The following OSBPL8 variants were observed in gnomAD, a reference collection of about 807,000 sequenced individuals.
OSBPL8 encodes the protein oxysterol-binding protein-related protein 8.
In OSBPL8, 59 loss-of-function variants were observed where a neutral mutation model predicts 125.5. The ratio of observed to expected loss-of-function variants is 0.47; its 90% CI spans 0.38 to 0.58. OSBPL8 has a LOEUF of 0.58. Among genes scored for constraint, OSBPL8 ranks in the 20% least tolerant of loss-of-function variants. The pLI is 0.00. For missense variants in OSBPL8, 758 were observed against 1,047.8 expected (o/e 0.72, Z 3.82); for synonymous variants, 330 against 338.9 (o/e 0.97, Z 0.29).
chr12:76,464,748 C>T (rs1333701557), intron 2 of OSBPL8, among the ~76,000 whole-genome samples: 1 of 152,154 alleles, frequency 6.6e-6, no homozygotes, highest in African/African-American at 2.4e-5. Context: ...TAATATACAT[C>T]ACGGCTTGAT....
intron 1 of OSBPL8, among the ~76,000 whole-genome samples, chr12:76,540,519 TG>T: frequency 6.6e-6 from 1 of 151,142 alleles, no homozygotes; most frequent in African/African-American, 2.4e-5. Context: ...TGTGTGTGTG[TG>T]TGTGTGTACA....
chr12:76,542,551 G>A (rs1950676463), intron 1 of OSBPL8, among the ~76,000 whole-genome samples: 1 of 152,176 alleles, frequency 6.6e-6, no homozygotes, highest in East Asian at 1.9e-4. Flanking sequence ...GTCTGGGGTG[G>A]AGTCCAATAA....
chr12:76,385,275 A>T (rs930622093), intron 14 of OSBPL8, among the ~76,000 whole-genome samples: 1 of 152,194 alleles, frequency 6.6e-6, no homozygotes, highest in African/African-American at 2.4e-5. Flanking sequence ...TTACACTCAA[A>T]GTGAGAATTA....
chr12:76,451,892 G>A (rs1000388976), intron 3 of OSBPL8, among the ~76,000 whole-genome samples: 1 of 152,156 alleles, frequency 6.6e-6, no homozygotes, highest in African/African-American at 2.4e-5. Flanking sequence ...GTCGAGGTAG[G>A]TGGATCACCT....
intron 2 of OSBPL8, among the ~76,000 whole-genome samples, chr12:76,475,939 T>G (rs1876751963): frequency 6.6e-6 from 1 of 152,246 alleles, no homozygotes; most frequent in African/African-American, 2.4e-5. Flanking sequence ...CATGCAGTAC[T>G]GTTGCAGTAC....
intron 3 of OSBPL8, among the ~76,000 whole-genome samples, chr12:76,458,836 C>T (rs1303190391): frequency 6.6e-6 from 1 of 152,152 alleles, no homozygotes; most frequent in African/African-American, 2.4e-5. Flanking sequence ...AAACCTTTAC[C>T]ATTTTCTCAT....
intron 5 of OSBPL8, among the ~76,000 whole-genome samples, chr12:76,407,546 C>A (rs1954321290): frequency 1.3e-5 from 2 of 152,112 alleles, no homozygotes; most frequent in Non-Finnish European, 2.9e-5. Flanking sequence ...TTGCACCCAG[C>A]AGAATGTTAA....
chr12:76,505,385 T>C (rs2137143368), intron 1 of OSBPL8, among the ~76,000 whole-genome samples: 1 of 152,318 alleles, frequency 6.6e-6, no homozygotes, highest in Admixed American at 6.5e-5. Context: ...GTTTTACCAA[T>C]AAATTTATCA....
chr12:76,421,189 C>T (rs1869434852), intron 4 of OSBPL8, among the ~76,000 whole-genome samples: 1 of 151,704 alleles, frequency 6.6e-6, no homozygotes, highest in Admixed American at 6.6e-5. Flanking sequence ...AACAAAGAGA[C>T]AGAAACAAAT....
chr12:76,446,333 A>G (rs1351493255), intron 4 of OSBPL8, among the ~76,000 whole-genome samples: 1 of 152,192 alleles, frequency 6.6e-6, no homozygotes, highest in Non-Finnish European at 1.5e-5. Context: ...AGATAATCTT[A>G]TTTCAAACAA....
chr12:76,454,334 T>C (rs1211996868), intron 3 of OSBPL8, among the ~76,000 whole-genome samples: 2 of 152,180 alleles, frequency 1.3e-5, no homozygotes, highest in Non-Finnish European at 2.9e-5. Flanking sequence ...AAATAGTATA[T>C]AGCACTAAAA....
rs187682416 is a variant in OSBPL8 at position 76,424,570 on chromosome 12, T to C, written c.218-13936A>G. 5.7e-4 allele frequency among the ~76,000 whole-genome samples: 87 copies of C among 152,302 alleles called. 2 individuals carry two copies. Among genetic ancestry groups the C allele is most frequent in the African/African-American group, 2.1e-3 (86 of 41,574 alleles). On this transcript the variant is annotated intron_variant, in intron 4 of 23. Transcript: ENST00000261183. ...CACAAACAGCATTATGCTAGTATAA[T>C]AGTTAAGCAGGATTTGAAATTAAAC...
intron 1 of OSBPL8, among the ~76,000 whole-genome samples, chr12:76,504,900 G>A (rs1880261716): frequency 6.6e-6 from 1 of 152,012 alleles, no homozygotes; most frequent in Non-Finnish European, 1.5e-5. Flanking sequence ...TGCATTTCTG[G>A]TGACTGGATG....
intron 4 of OSBPL8, among the ~76,000 whole-genome samples, chr12:76,429,979 G>C (rs1870615326): frequency 6.6e-6 from 1 of 151,960 alleles, no homozygotes; most frequent in African/African-American, 2.4e-5. Flanking sequence ...AAACTCACTT[G>C]GTAGAAACCA....
chr12:76,393,588 G>A (rs1342892033), intron 9 of OSBPL8, among the ~76,000 whole-genome samples: 1 of 151,312 alleles, frequency 6.6e-6, no homozygotes, highest in Non-Finnish European at 1.5e-5. Flanking sequence ...GCAGGCGCCT[G>A]TAGTCCCAGC....
At chr12:76,394,413 G>C (rs945499050) in intron 9 of OSBPL8, among the ~76,000 whole-genome samples, 14 of 152,132 alleles carry the variant, frequency 9.2e-5, no homozygotes, top group Non-Finnish European at 1.6e-4. Flanking sequence ...GGAGGATGAA[G>C]AAGAAAACTC....
intron 2 of OSBPL8, among the ~76,000 whole-genome samples, chr12:76,478,977 C>A (rs538577050): frequency 1.3e-5 from 2 of 152,062 alleles, no homozygotes; most frequent in Non-Finnish European, 2.9e-5. Flanking sequence ...CCCAGCTGCT[C>A]GGGAGGCTGA....
At chr12:76,490,787 T>C (rs1345567913) in intron 1 of OSBPL8, among the ~76,000 whole-genome samples, 3 of 152,168 alleles carry the variant, frequency 2.0e-5, no homozygotes, top group Middle Eastern at 3.2e-3. Context: ...CCCACTGAAT[T>C]GTTGTTAACA....
chr12:76,460,645 T>A (rs1282776510), intron 2 of OSBPL8, among the ~76,000 whole-genome samples: 1 of 152,160 alleles, frequency 6.6e-6, no homozygotes, highest in Admixed American at 6.5e-5. Flanking sequence ...ATGAAGAACT[T>A]GCAATCAACT....
Sources: gnomAD v4.1 joint callset for allele counts (sites outside exome capture counted in the v4.1 genomes callset) on GRCh38, gnomAD v4.1.1 for gene constraint, MANE v1.5 for transcripts, NCBI Gene and HGNC (gene_info 2026-07-23, HGNC 2026-07-21) for gene names.